The following HFM1 variants were observed in gnomAD, a reference collection of about 807,000 sequenced individuals.
HFM1 encodes the protein probable ATP-dependent DNA helicase HFM1.
A neutral mutation model predicts 192.1 loss-of-function variants in HFM1; 169 were observed. The ratio of observed to expected loss-of-function variants is 0.88; its 90% CI spans 0.78 to 1.00. The LOEUF is 1.00. Among genes scored for constraint, HFM1 ranks in the 50% least tolerant of loss-of-function variants. The pLI, the probability that HFM1 is intolerant of heterozygous loss-of-function variation, is 0.00. For missense variants in HFM1, 1,661 were observed against 1,668.0 expected (o/e 1.00, Z 0.07); for synonymous variants, 525 against 537.8 (o/e 0.98, Z 0.33).
chr1:91,374,553 AATTG>A (rs1054028325), intron 13 of HFM1, among the ~76,000 whole-genome samples: 13 of 152,136 alleles, frequency 8.5e-5, no homozygotes. Flanking sequence ...AGGACTTCGT[AATTG>A]ATTGTGGGGT....
chr1:91,302,894 C>T (rs530922235), intron 30 of HFM1, among the ~76,000 whole-genome samples: 20 of 151,644 alleles, frequency 1.3e-4, no homozygotes, highest in Non-Finnish European at 2.4e-4. Flanking sequence ...GTAACAAACC[C>T]GCACGTTGTG....
chr1:91,402,063 T>C (rs1403129571), intron 1 of HFM1, among the ~76,000 whole-genome samples: 1 of 152,158 alleles, frequency 6.6e-6, no homozygotes, highest in African/African-American at 2.4e-5. Flanking sequence ...CTGTAAAACA[T>C]AAATCACATT....
Position 91,310,768 on chromosome 1 carries a change from T to C in HFM1, c.3391+2581A>G, listed in dbSNP as rs914564712. On this transcript the variant is annotated intron_variant, in intron 30 of 38. Transcript: ENST00000370425. ...CCTCATTTTTCTCTTGCCGCCGCCA[T>C]GTAAGAAGTGCCTTTTAACTCCCAC... Among the ~76,000 whole-genome samples, 5 of 152,244 alleles carry C rather than the reference T, an allele frequency of 3.3e-5. No individual in the cohort carries two copies. In the South Asian group the frequency reaches 8.3e-4, roughly 25 times the overall value.
intron 13 of HFM1, among the ~76,000 whole-genome samples, chr1:91,363,610 T>G (rs1055730890): frequency 1.3e-5 from 2 of 151,838 alleles, no homozygotes; most frequent in Non-Finnish European, 2.9e-5. Context: ...GTTCAACCAT[T>G]GTGGAAGACG....
At chr1:91,379,448 A>G (rs1005188188) in intron 8 of HFM1, among the ~76,000 whole-genome samples, 2 of 152,112 alleles carry the variant, frequency 1.3e-5, no homozygotes, top group African/African-American at 4.8e-5. Flanking sequence ...ATATGCTAAC[A>G]CTGACGATGA....
chr1:91,380,878 G>T, intron 7 of HFM1, 34 bp downstream of exon 7: 1 of 1,002,330 alleles, frequency 1.0e-6, no homozygotes, highest in Non-Finnish European at 1.6e-6. Context: ...CTAGTGAAAG[G>T]TAGAAAAATA....
intron 18 of HFM1, among the ~76,000 whole-genome samples, chr1:91,348,525 T>G (rs191497714): frequency 1.3e-5 from 2 of 152,326 alleles, no homozygotes; most frequent in African/African-American, 4.8e-5. Context: ...GCTGCATTGT[T>G]CGTAAGAGCA....
chr1:91,317,461 T>C (rs967116327), intron 25 of HFM1, among the ~76,000 whole-genome samples: 2 of 152,116 alleles, frequency 1.3e-5, no homozygotes, highest in African/African-American at 4.8e-5. Flanking sequence ...ATTTTCTTCT[T>C]TGGATCTTTC....
chr1:91,396,282 T>C lies in HFM1; in HGVS notation c.184+11A>G, dbSNP rs780207318. ...TGGGTTTGGCTTCAAAACAAATATGTGATAATTTACCTAACAGTTTATGAC... is the reference window on the plus strand; with the variant it reads ...TGGGTTTGGCTTCAAAACAAATATGCGATAATTTACCTAACAGTTTATGAC... On this transcript the variant is annotated intron_variant, in intron 3 of 38. Coordinates refer to ENST00000370425, the MANE Select transcript of HFM1 (RefSeq NM_001017975.6). The C allele has an allele frequency of 1.3e-5, 17 of 1,329,442 alleles. No individual in the cohort carries two copies. The East Asian group carries it at 3.0e-4, about 23-fold the overall frequency. 82.4% of individuals were successfully genotyped at this position (1,329,442 alleles called of 1,614,324 possible). A position where few individuals can be genotyped will look rare whatever the true frequency, so the allele number is the denominator to read the frequency against.
chr1:91,302,934 TTAAAA>T (rs932800922), intron 30 of HFM1, among the ~76,000 whole-genome samples: 13 of 152,084 alleles, frequency 8.5e-5, no homozygotes, highest in African/African-American at 2.4e-4. Context: ...TAATTTAAAA[TTAAAA>T]TAAAATAAAA....
chr1:91,367,122 G>C (rs1392939314), intron 13 of HFM1, among the ~76,000 whole-genome samples: 2 of 152,180 alleles, frequency 1.3e-5, no homozygotes, highest in African/African-American at 2.4e-5. Context: ...GCTCGAACTG[G>C]GTGGAGCGCA....
At chr1:91,272,676 T>C (rs772161152) in intron 34 of HFM1, among the ~76,000 whole-genome samples, 1 of 152,076 alleles carries the variant, frequency 6.6e-6, no homozygotes, top group Non-Finnish European at 1.5e-5. Flanking sequence ...CGCTTTGTAA[T>C]GACATCCAGG....
chr1:91,306,845 A>T (rs34840774), intron 30 of HFM1, among the ~76,000 whole-genome samples: 30,215 of 152,136 alleles, frequency 0.2, 3,760 homozygotes, highest in South Asian at 0.35. Context: ...TTTTACTAAC[A>T]ATTGCTTCAA....
intron 2 of HFM1, among the ~76,000 whole-genome samples, chr1:91,400,567 C>A (rs1213698236): frequency 1.3e-5 from 2 of 152,004 alleles, no homozygotes; most frequent in Non-Finnish European, 2.9e-5. Flanking sequence ...CTGCAACCTC[C>A]GCCTCCGGGC....
chr1:91,292,589 G>A (rs940328560), intron 30 of HFM1, among the ~76,000 whole-genome samples: 4 of 151,968 alleles, frequency 2.6e-5, no homozygotes, highest in African/African-American at 9.7e-5. Context: ...CATGCTCACG[G>A]GTAGGAAGAA....
chr1:91,362,239 G>A (rs1187684168), intron 13 of HFM1, among the ~76,000 whole-genome samples: 1 of 152,160 alleles, frequency 6.6e-6, no homozygotes, highest in Non-Finnish European at 1.5e-5. Context: ...AATAGGAAGA[G>A]AGGAAGTCAA....
chr1:91,405,696 GCAGTAGTCCTACCACA>G (rs1182847458), upstream of HFM1, among the ~76,000 whole-genome samples: 1 of 152,084 alleles, frequency 6.6e-6, no homozygotes, highest in Non-Finnish European at 1.5e-5. Context: ...AATAATATTT[GCAGTAGTCCTACCACA>G]CAGTAAATGC....
chr1:91,270,574 T>TAAAAAAAA (rs55948138), intron 34 of HFM1, among the ~76,000 whole-genome samples: 2 of 102,956 alleles, frequency 1.9e-5, no homozygotes, highest in Admixed American at 9.7e-5. Flanking sequence ...GTGAGAAGAA[T>TAAAAAAAA]AAAAAAAAAA....
rs368308266 is a variant in HFM1, at chr1:91,316,177, T to C, written c.2906A>G (p.Asn969Ser). The C allele has an allele frequency of 3.7e-5, 57 of 1,553,386 alleles. No individual in the cohort carries two copies. Among genetic ancestry groups the C allele is most frequent in the Non-Finnish European group, 4.9e-5 (56 of 1,140,704 alleles). ...TDARELELIL[N>S]RHPPFGTQIK... ...CTGGGTTCCAAAGGGGGGATGTCTG[T>C]TTAAAATCTAAAAATATTTACATCA... The change falls in exon 27 of 39, where the codon AAC (asparagine) becomes AGC (serine). Residue 969 changes from asparagine to serine, a missense_variant. Coordinates refer to ENST00000370425, the MANE Select transcript of HFM1 (RefSeq NM_001017975.6).
Sources: gnomAD v4.1 joint callset for allele counts (sites outside exome capture counted in the v4.1 genomes callset) on GRCh38, gnomAD v4.1.1 for gene constraint, MANE v1.5 for transcripts, NCBI Gene and HGNC (gene_info 2026-07-23, HGNC 2026-07-21) for gene names.